The following CCNQ variants were observed in gnomAD, a reference collection of about 807,000 sequenced individuals.
CCNQ encodes cyclin Q.
CCNQ carries 3 observed loss-of-function variants against 17.7 expected under a neutral mutation model. The ratio of observed to expected loss-of-function variants is 0.17; its 90% CI spans 0.08 to 0.44. CCNQ has a LOEUF of 0.44. Ranked by LOEUF, CCNQ falls within the 20% of genes least tolerant of loss-of-function variation. CCNQ has a pLI of 0.99. For synonymous variants in CCNQ, 73 were observed against 96.0 expected (o/e 0.76, Z 1.40); for missense variants, 146 against 222.6 (o/e 0.66, Z 2.19).
intron 1 of CCNQ, among the ~76,000 whole-genome samples, chrX:153,598,215 AG>A (rs1433923607): frequency 2.7e-5 from 3 of 111,891 alleles, no homozygotes; most frequent in African/African-American, 9.8e-5. Flanking sequence ...CAGGAGTTCA[AG>A]ACCAGCCTGG....
At chrX:153,588,868 C>T (rs1419756473) in intron 4 of CCNQ, among the ~76,000 whole-genome samples, 1 of 112,925 alleles carries the variant, frequency 8.9e-6, no homozygotes, top group African/African-American at 3.2e-5. Context: ...GGACCCCACG[C>T]CTACCCTAAC....
intron 4 of CCNQ, among the ~76,000 whole-genome samples, chrX:153,591,883 C>G (rs988697528): frequency 1.8e-5 from 2 of 108,249 alleles, no homozygotes; most frequent in African/African-American, 6.7e-5. Flanking sequence ...ACAATAAACA[C>G]GCAAAAATCA....
At chrX:153,595,410 G>A (rs1354844989) in intron 2 of CCNQ, among the ~76,000 whole-genome samples, 1 of 113,878 alleles carries the variant, frequency 8.8e-6, no homozygotes, top group Non-Finnish European at 1.9e-5. Flanking sequence ...GAGCCACCAC[G>A]TCCAGCCATC....
chrX:153,598,853 C>G, intron 1 of CCNQ, 109 bp downstream of exon 1: 1 of 540,834 alleles, frequency 1.8e-6, no homozygotes, highest in Non-Finnish European at 2.6e-6. Flanking sequence ...GCAGGGCTTC[C>G]CGGCCTCTGC....
chrX:153,596,422 C>G (rs781828906), intron 1 of CCNQ, among the ~76,000 whole-genome samples: 4 of 112,134 alleles, frequency 3.6e-5, no homozygotes, highest in Middle Eastern at 4.6e-3. Flanking sequence ...TGTAGGTCTG[C>G]GGCTCTGAGA....
intron 1 of CCNQ, among the ~76,000 whole-genome samples, chrX:153,598,761 C>T (rs896152372): frequency 7.9e-5 from 9 of 113,386 alleles, no homozygotes; most frequent in African/African-American, 2.9e-4. Flanking sequence ...GGCCTGCACA[C>T]CGGTCCACGC....
intron 3 of CCNQ, among the ~76,000 whole-genome samples, chrX:153,593,660 C>T (rs369904337): frequency 1.8e-5 from 2 of 112,264 alleles, no homozygotes; most frequent in Non-Finnish European, 3.8e-5. Flanking sequence ...AGGGCCCATG[C>T]GGGTGGAACC....
At chrX:153,595,048 C>T (rs2091018005) in intron 2 of CCNQ, among the ~76,000 whole-genome samples, 1 of 112,960 alleles carries the variant, frequency 8.9e-6, no homozygotes, top group Admixed American at 9.3e-5. Flanking sequence ...ATTAGGGAGT[C>T]TTCATCACCT....
At chrX:153,593,712 C>T (rs1378232612) in intron 3 of CCNQ, among the ~76,000 whole-genome samples, 1 of 112,147 alleles carries the variant, frequency 8.9e-6, no homozygotes, top group African/African-American at 3.2e-5. Context: ...TGAACGGAGT[C>T]GTGATAAAAT....
At position 153,592,619 on chromosome X, in the gene CCNQ, G is replaced by A. The variant is rs782298309; in HGVS notation, c.544C>T (p.Leu182=). Residue 182 remains leucine, a synonymous_variant, in exon 4 of 5, where the codon CTG becomes TTG. Coordinates refer to ENST00000576892, the MANE Select transcript of CCNQ (RefSeq NM_152274.5). ...TGCTGGGCCTGGAAGCGGAGGCACA[G>A]CGCCCCATGGTAGCTGTCCCGCAGC... ...ALLRDSYHGA[L]CLRFQAQHIA... 16 of 1,211,231 alleles carry A rather than the reference G, an allele frequency of 1.3e-5. No homozygotes were observed. Among genetic ancestry groups the A allele is most frequent in the Non-Finnish European group, 1.6e-5 (14 of 895,078 alleles).
In CCNQ at chrX:153,599,112, G is replaced by T; in HGVS notation, c.-39C>A. The stretch of plus-strand genomic sequence containing the variant: ...ACCGGCGGAAGGAGAGGCGGCCCCG[G>T]CGCGCAGAAGCCGGCAGAACTGGAG... On this transcript the variant is annotated 5_prime_UTR_variant, in exon 1 of 5. Coordinates refer to ENST00000576892, the MANE Select transcript of CCNQ (RefSeq NM_152274.5). The T allele has an allele frequency of 1.3e-6, 1 of 768,421 alleles. No individual in the cohort carries two copies. Among genetic ancestry groups the T allele is most frequent in the Non-Finnish European group, 1.6e-6 (1 of 610,846 alleles). 63.3% of individuals were successfully genotyped at this position (768,421 alleles called of 1,213,427 possible).
At position 153,594,293 on chromosome X, in the gene CCNQ, C is replaced by T. The variant is rs782634935; in HGVS notation, c.429+254G>A. ...CAGCTTCAGCGGGCAGCACGGACCC[C>T]GCCCACAGGTGAGCAGGCAGAAAGG... On this transcript the variant is annotated intron_variant, in intron 3 of 4. Coordinates refer to ENST00000576892, the MANE Select transcript of CCNQ (RefSeq NM_152274.5). 5.3e-5 allele frequency among the ~76,000 whole-genome samples: 6 copies of T among 112,658 alleles called. No individual in the cohort carries two copies. In the South Asian group the frequency reaches 2.2e-3, roughly 41 times the overall value.
In CCNQ at chrX:153,592,329, T is replaced by C. The variant is rs782248347; in HGVS notation, c.657+177A>G. Among the ~76,000 whole-genome samples the C allele has an allele frequency of 5.3e-5, 6 of 113,522 alleles. No homozygotes were observed. In the East Asian group the frequency reaches 1.7e-3, roughly 31 times the overall value. On this transcript the variant is annotated intron_variant, in intron 4 of 4. Transcript: ENST00000576892. The stretch of plus-strand genomic sequence containing the variant: ...ACATCCGGGACCCCTAAATGGCAAC[T>C]GTGCCGAGGGGGAGAGCCTGTCCCA...
chrX:153,599,113 C>A lies in CCNQ; in HGVS notation c.-40G>T. On this transcript the variant is annotated 5_prime_UTR_variant, in exon 1 of 5. Coordinates refer to ENST00000576892, the MANE Select transcript of CCNQ (RefSeq NM_152274.5). ...CCGGCGGAAGGAGAGGCGGCCCCGG[C>A]GCGCAGAAGCCGGCAGAACTGGAGG... 1 of 770,113 alleles carries A rather than the reference C, an allele frequency of 1.3e-6. No homozygotes were observed. The highest frequency in any genetic ancestry group is 1.6e-6 in the Non-Finnish European group (1 of 612,574). The allele number at this position is 770,113 out of a possible 1,213,427, so 63.5% of individuals were successfully genotyped here.
chrX:153,596,080 T>C lies in CCNQ; in HGVS notation c.220A>G (p.Met74Val). 1 of 1,212,080 alleles carries C rather than the reference T, an allele frequency of 8.3e-7. No homozygotes were observed. The highest frequency in any genetic ancestry group is 1.1e-6 in the Non-Finnish European group (1 of 895,553). Residue 74 changes from methionine to valine, a missense_variant, in exon 2 of 5, where the codon ATG becomes GTG. Physicochemically the swap from Met to Val is conservative, Grantham distance 21. Coordinates refer to ENST00000576892, the MANE Select transcript of CCNQ (RefSeq NM_152274.5). ...TTGCCGGCCAAGTAAATTGAAGACATGGCAATCAGGTAAGGGTCATAGGCG... is the reference window on the plus strand; with the variant it reads ...TTGCCGGCCAAGTAAATTGAAGACACGGCAATCAGGTAAGGGTCATAGGCG... The part of the protein sequence containing the change: ...LDAYDPYLIA[M>V]SSIYLAGKVE...
At chrX:153,589,009 T>A (rs2090972913) in intron 4 of CCNQ, among the ~76,000 whole-genome samples, 1 of 113,174 alleles carries the variant, frequency 8.8e-6, no homozygotes, top group Non-Finnish European at 1.9e-5. Flanking sequence ...CGCCACAGGC[T>A]GGGGTCCACA....
chrX:153,598,347 C>T (rs1293572171), intron 1 of CCNQ, among the ~76,000 whole-genome samples: 1 of 110,560 alleles, frequency 9.0e-6, no homozygotes, highest in Non-Finnish European at 1.9e-5. Flanking sequence ...GTCCGGGAGA[C>T]GGAGGTTGCA....
chrX:153,592,538 C>A lies in CCNQ; in HGVS notation c.625G>T (p.Ala209Ser), dbSNP rs1557026001. Residue 209 changes from alanine to serine, a missense_variant, in exon 4 of 5, where the codon GCC becomes TCC. Coordinates refer to ENST00000576892, the MANE Select transcript of CCNQ (RefSeq NM_152274.5). ...ALQVYGVEVP[A>S]EVEAEKPWWQ... ...CACGGCTTCTCAGCCTCGACCTCGG[C>A]GGGCACCTCAACTCCGTAGACCTGC... 8.2e-7 allele frequency: 1 copy of A among 1,212,227 alleles called. No individual in the cohort carries two copies. Among genetic ancestry groups the A allele is most frequent in the Admixed American group, 2.2e-5 (1 of 46,172 alleles).
chrX:153,589,581 G>C (rs1195098131), intron 4 of CCNQ, among the ~76,000 whole-genome samples: 1 of 112,941 alleles, frequency 8.9e-6, no homozygotes, highest in Non-Finnish European at 1.9e-5. Context: ...GAAATAGTAA[G>C]TAAAGCAGCA....
Sources: allele counts gnomAD v4.1 joint callset (sites outside exome capture counted in the v4.1 genomes callset), GRCh38; gene constraint gnomAD v4.1.1; transcripts MANE v1.5; gene names NCBI Gene and HGNC (gene_info 2026-07-23, HGNC 2026-07-21).